Variants in ZDHHC24 observed in about 807,000 individuals in gnomAD.
ZDHHC24 encodes the protein probable palmitoyltransferase ZDHHC24.
In ZDHHC24, 17 loss-of-function variants were observed where a neutral mutation model predicts 23.2. The ratio of observed to expected loss-of-function variants is 0.73; its 90% CI spans 0.50 to 1.10. The LOEUF (loss-of-function observed/expected upper bound fraction) is 1.10, where lower values mean the gene tolerates loss of function less well. ZDHHC24 is among the 50% of genes least tolerant of loss of function. ZDHHC24 has a pLI of 0.00. For synonymous variants in ZDHHC24, 186 were observed against 194.5 expected (o/e 0.96, Z 0.36); for missense variants, 366 against 393.0 (o/e 0.93, Z 0.58).
chr11:66,537,442 C>G lies in ZDHHC24; in HGVS notation c.*2087G>C, dbSNP rs1250335479. 6.6e-6 allele frequency: 1 copy of G among 152,120 alleles called. No individual in the cohort carries two copies. The highest frequency in any genetic ancestry group is 2.1e-4 in the South Asian group (1 of 4,826). The allele number at this position is 152,120 out of a possible 1,614,324, so 9.4% of individuals were successfully genotyped here. A position where few individuals can be genotyped will look rare whatever the true frequency, so the allele number is the denominator to read the frequency against. On this transcript the variant is annotated 3_prime_UTR_variant, in exon 3 of 3. Coordinates refer to ENST00000310442, the MANE Select transcript of ZDHHC24 (RefSeq NM_207340.3). ...GTCCTGGTGGAGTTCCTGAGCCCCT[C>G]CGGGGCTCTGGCAGGTAATTCCACT...
chr11:66,521,515 GCC>G, intron 4 of ZDHHC24: 1 of 736,696 alleles, frequency 1.4e-6, no homozygotes, highest in African/African-American at 1.7e-5. Context: ...AGGAGGCTGA[GCC>G]CACAAACACA....
exon 5 of ZDHHC24, chr11:66,521,414 T>A: frequency 6.5e-7 from 1 of 1,546,886 alleles, no homozygotes; most frequent in South Asian, 1.1e-5. Flanking sequence ...GGGAGGAACA[T>A]CTCAGAAAAC....
intron 4 of ZDHHC24, chr11:66,522,891 G>A (rs1856303214): frequency 2.9e-6 from 1 of 346,910 alleles, no homozygotes; most frequent in Non-Finnish European, 5.6e-6. Context: ...TCTCTGTGGA[G>A]ATGGCTTGAA....
chr11:66,545,706 T>C lies in ZDHHC24; in HGVS notation c.281+17A>G. 6.6e-7 allele frequency: 1 copy of C among 1,514,774 alleles called. No individual in the cohort carries two copies. Among genetic ancestry groups the C allele is most frequent in the South Asian group, 1.3e-5 (1 of 78,732 alleles). The allele number at this position is 1,514,774 out of a possible 1,614,324, so 93.8% of individuals were successfully genotyped here. On this transcript the variant is annotated intron_variant, in intron 1 of 2. Transcript: ENST00000310442. The surrounding 1 kb of genome is among the most constrained non-coding windows in gnomAD (Gnocchi z 4.5). ...AAGGCTCCCACTTCTCCCCGCCCGA[T>C]CCCGCACCCCACTCACGCCCAGCCC...
chr11:66,529,157 A>C, intron 3 of ZDHHC24: 1 of 880,994 alleles, frequency 1.1e-6, no homozygotes, highest in South Asian at 5.6e-5. Context: ...TGGGGGACCG[A>C]GGTGCCCAGT....
chr11:66,545,787 G>A lies in ZDHHC24; in HGVS notation c.217C>T (p.Leu73=). Residue 73 remains leucine, a synonymous_variant, in exon 1 of 3, where the codon CTG becomes TTG. Transcript: ENST00000310442. This position sits in a 1 kb window ranked among gnomAD's most constrained non-coding sequence, Gnocchi z 4.5. The stretch of plus-strand genomic sequence containing the variant: ...CCACGGATGCTGGGATCCGAGCGCA[G>A]GAAGAGCCCCACGTTGCCCAGCAGG... ...LNLLGNVGLF[L]RSDPSIRGVM... 1.3e-6 allele frequency: 2 copies of A among 1,588,654 alleles called. No homozygotes were observed. The highest frequency in any genetic ancestry group is 1.7e-6 in the Non-Finnish European group (2 of 1,173,120).
chr11:66,537,001 T>C lies in ZDHHC24; in HGVS notation c.*2528A>G, dbSNP rs1309659960. The C allele has an allele frequency of 6.6e-6, 1 of 151,936 alleles. No individual in the cohort carries two copies. Among genetic ancestry groups the C allele is most frequent in the African/African-American group, 2.4e-5 (1 of 41,388 alleles). 9.4% of individuals were successfully genotyped at this position (151,936 alleles called of 1,614,324 possible). ...CAGGTACACCAAGTTCCTCCTGTCA[T>C]TAAAAAATAGCAACAGAGCATGCCT... On this transcript the variant is annotated 3_prime_UTR_variant, in exon 3 of 3. Coordinates refer to ENST00000310442, the MANE Select transcript of ZDHHC24 (RefSeq NM_207340.3).
chr11:66,539,349 C>T lies in ZDHHC24; in HGVS notation c.*180G>A. 6.8e-6 allele frequency: 9 copies of T among 1,332,216 alleles called. No individual in the cohort carries two copies. Among genetic ancestry groups the T allele is most frequent in the Non-Finnish European group, 7.7e-6 (8 of 1,045,136 alleles). The allele number at this position is 1,332,216 out of a possible 1,614,324, so 82.5% of individuals were successfully genotyped here. ...CCAGACCCTCCTCTGCACTCCTCTGCCTAAGTCACGGCCCAAGCCCTGGAC... is the reference window on the plus strand; with the variant it reads ...CCAGACCCTCCTCTGCACTCCTCTGTCTAAGTCACGGCCCAAGCCCTGGAC... On this transcript the variant is annotated 3_prime_UTR_variant, in exon 3 of 3. Coordinates refer to ENST00000310442, the MANE Select transcript of ZDHHC24 (RefSeq NM_207340.3).
In ZDHHC24 at chr11:66,523,158, C is replaced by T. The variant is rs1329736835; in HGVS notation, c.*22-1692G>A. 7 of 532,698 alleles carry T rather than the reference C, an allele frequency of 1.3e-5. No homozygotes were observed. The East Asian group carries it at 3.3e-4, about 25-fold the overall frequency. The allele number at this position is 532,698 out of a possible 1,614,324, so 33.0% of individuals were successfully genotyped here. On this transcript the variant is annotated intron_variant, in intron 4 of 4. Coordinates refer to the ZDHHC24 transcript ENST00000526986. ...GCCAAAGGTAAACTCACTGAAAACT[C>T]TGTTAAATGCTAGATGATCATACAA...
chr11:66,529,180 G>A, intron 3 of ZDHHC24: 59 of 1,457,198 alleles, frequency 4.0e-5, no homozygotes, highest in Non-Finnish European at 5.3e-5. Context: ...GGAAGAGGAG[G>A]GACAGTGGGG....
At chr11:66,522,938 G>T (rs998658482) in intron 4 of ZDHHC24, 33 of 352,904 alleles carry the variant, frequency 9.4e-5, no homozygotes, top group Non-Finnish European at 1.8e-4. Flanking sequence ...AAGTCGGGAA[G>T]AGTGTTGTAG....
In ZDHHC24 at chr11:66,523,980, T is replaced by G; in HGVS notation, c.*22-2514A>C. 3 of 1,545,518 alleles carry G rather than the reference T, an allele frequency of 1.9e-6. No individual in the cohort carries two copies. In the African/African-American group the frequency reaches 4.1e-5, roughly 21 times the overall value. On this transcript the variant is annotated intron_variant, in intron 4 of 4. Coordinates refer to the ZDHHC24 transcript ENST00000526986. ...CTCTTCCGACCACACATTGATGCAT[T>G]TCAAAAACATTTGTTGAGGCCAGGC...
At chr11:66,525,199 C>CAAA (rs1202954773) in intron 4 of ZDHHC24, among the ~76,000 whole-genome samples, 19 of 83,446 alleles carry the variant, frequency 2.3e-4, no homozygotes, top group African/African-American at 8.5e-4. Context: ...GACTCCATCT[C>CAAA]AAAAAAAAAA....
chr11:66,526,818 G>T (rs371728271), intron 4 of ZDHHC24: 1 of 1,614,230 alleles, frequency 6.2e-7, no homozygotes, highest in South Asian at 1.1e-5. Flanking sequence ...GTGAGCCTCA[G>T]ACTGGGTCCT....
rs745986564 is a variant in ZDHHC24 at position 66,543,685 on chromosome 11, G to A, written c.559+19C>T. On this transcript the variant is annotated intron_variant, in intron 2 of 2. Transcript: ENST00000310442. ...ACCAGGGCCCCTGCCTCTGTGCAGA[G>A]GCCTCCCAGGCTCCCCACCTGTGAG... 6 of 1,555,128 alleles carry A rather than the reference G, an allele frequency of 3.9e-6. No individual in the cohort carries two copies. The South Asian group carries it at 4.7e-5, about 12-fold the overall frequency.
intron 4 of ZDHHC24, chr11:66,526,042 C>G: frequency 1.6e-6 from 2 of 1,255,678 alleles, no homozygotes; most frequent in Admixed American, 1.7e-5. Flanking sequence ...CCTATTATAT[C>G]TGGGGCCTCC....
At chr11:66,523,357 T>C in intron 4 of ZDHHC24, 1 of 1,545,022 alleles carries the variant, frequency 6.5e-7, no homozygotes, top group East Asian at 2.2e-5. Flanking sequence ...GGGCCAGTGT[T>C]CCTCCCAGGT....
At chr11:66,527,130 A>T in intron 3 of ZDHHC24, 1 of 981,474 alleles carries the variant, frequency 1.0e-6, no homozygotes, top group Non-Finnish European at 1.5e-6. Flanking sequence ...TAATCCCAAC[A>T]CTTTGGCAGA....
downstream of ZDHHC24, among the ~76,000 whole-genome samples, chr11:66,534,051 T>G (rs1172386497): frequency 6.7e-6 from 1 of 148,532 alleles, no homozygotes; most frequent in Admixed American, 6.7e-5. Flanking sequence ...CACCTGTAGT[T>G]CCAGCTACTT....
Sources: allele counts gnomAD v4.1 joint callset (sites outside exome capture counted in the v4.1 genomes callset), GRCh38; gene constraint gnomAD v4.1.1; non-coding constraint Gnocchi (gnomAD v3.1); transcripts MANE v1.5; gene names NCBI Gene and HGNC (gene_info 2026-07-23, HGNC 2026-07-21).